Variants in TLL2 observed in about 807,000 individuals in gnomAD.
The protein encoded by TLL2 is tolloid like 2.
TLL2 carries 106 observed loss-of-function variants against 123.0 expected under a neutral mutation model. That is an observed-to-expected ratio of 0.86 (90% CI 0.74 to 1.01). The LOEUF (loss-of-function observed/expected upper bound fraction) is 1.01. Ranked by LOEUF, TLL2 falls within the 50% of genes least tolerant of loss-of-function variation. The pLI is 0.00. For missense variants in TLL2, 1,332 were observed against 1,336.7 expected, an observed-to-expected ratio of 1.00 and a Z score of 0.06; for synonymous variants, 494 against 516.8, an observed-to-expected ratio of 0.96 and a Z score of 0.60.
At chr10:96,506,106 G>T (rs1043179115) in intron 1 of TLL2, among the ~76,000 whole-genome samples, 2 of 151,842 alleles carry the variant, frequency 1.3e-5, no homozygotes, top group African/African-American at 4.8e-5. Context: ...ACAAAAATTA[G>T]CCAGGCATGG....
chr10:96,507,908 C>T (rs1411749006), intron 1 of TLL2, among the ~76,000 whole-genome samples: 3 of 152,300 alleles, frequency 2.0e-5, no homozygotes, highest in Middle Eastern at 3.4e-3. Flanking sequence ...TCCAATATTG[C>T]CCTGAAATAT....
intron 2 of TLL2, among the ~76,000 whole-genome samples, chr10:96,473,057 A>G (rs954316261): frequency 6.7e-5 from 10 of 149,732 alleles, no homozygotes; most frequent in Admixed American, 5.3e-4. Context: ...AGCCCCCCCC[A>G]ATCAGATGGG....
chr10:96,380,606 T>C (rs918657948), intron 16 of TLL2, among the ~76,000 whole-genome samples: 1 of 141,138 alleles, frequency 7.1e-6, no homozygotes, highest in Admixed American at 7.9e-5. Flanking sequence ...GGCAGGAGAA[T>C]GGCATGAACC....
intron 16 of TLL2, 77 bp from the exon 17 acceptor site, chr10:96,379,169 A>T: frequency 6.4e-7 from 1 of 1,555,778 alleles, no homozygotes; most frequent in Non-Finnish European, 8.8e-7. Context: ...TCCCACTTAA[A>T]AGTGGCCTCC....
chr10:96,501,627 T>A lies in TLL2; in HGVS notation c.175+11884A>T, dbSNP rs184774650. 2.2e-4 allele frequency among the ~76,000 whole-genome samples: 34 copies of A among 152,324 alleles called. No homozygotes were observed. In the East Asian group the frequency reaches 5.4e-3, roughly 24 times the overall value. The stretch of plus-strand genomic sequence containing the variant: ...ATTCTGCAAAGTAAACCAGAGTAAA[T>A]CTCCAACTCCAGACACATCACAAAC... On this transcript the variant is annotated intron_variant, in intron 1 of 20. Coordinates refer to ENST00000357947, the MANE Select transcript of TLL2 (RefSeq NM_012465.4).
Position 96,376,674 on chromosome 10 carries a change from A to G in TLL2, c.2448+18T>C, listed in dbSNP as rs1292635009. On this transcript the variant is annotated intron_variant, in intron 18 of 20. Transcript: ENST00000357947. ...ATACTCAAGTCCACATTCTCAATAA[A>G]CTACAAAAATGACTCACGAGTTTCA... 9 of 1,609,248 alleles carry G rather than the reference A, an allele frequency of 5.6e-6. No homozygotes were observed. The highest frequency in any genetic ancestry group is 7.6e-6 in the Non-Finnish European group (9 of 1,177,920).
chr10:96,395,864 G>A lies in TLL2; in HGVS notation c.1530+11C>T. The A allele has an allele frequency of 1.2e-6, 2 of 1,614,114 alleles. No homozygotes were observed. The highest frequency in any genetic ancestry group is 1.7e-6 in the Non-Finnish European group (2 of 1,179,996). ...CCGTTTCCTTGGGAAGCCGGTCTGA[G>A]CAGCACTCACCTCAAAAGCTTGGAA... On this transcript the variant is annotated intron_variant, in intron 12 of 20. Coordinates refer to ENST00000357947, the MANE Select transcript of TLL2 (RefSeq NM_012465.4).
chr10:96,498,784 A>G (rs1424738733), intron 1 of TLL2, among the ~76,000 whole-genome samples: 1 of 152,168 alleles, frequency 6.6e-6, no homozygotes, highest in Non-Finnish European at 1.5e-5. Context: ...TGAGCTCTGC[A>G]TACCGTCTTG....
intron 1 of TLL2, among the ~76,000 whole-genome samples, chr10:96,501,825 T>C (rs530763893): frequency 6.6e-6 from 1 of 152,354 alleles, no homozygotes; most frequent in South Asian, 2.1e-4. Context: ...TGGTATCTCA[T>C]TGACTGAGTT....
chr10:96,414,078 G>C (rs1846532135), intron 7 of TLL2, among the ~76,000 whole-genome samples: 1 of 152,130 alleles, frequency 6.6e-6, no homozygotes, highest in South Asian at 2.1e-4. Flanking sequence ...TTCTAAACTA[G>C]ACAAGTGGAA....
At chr10:96,513,392 G>A in intron 1 of TLL2, 119 bp downstream of exon 1, 7 of 1,262,742 alleles carry the variant, frequency 5.5e-6, no homozygotes, top group Admixed American at 2.1e-5. Context: ...GGGGGAGCCG[G>A]GGATCTCAGG....
At chr10:96,469,378 C>G (rs958388232) in intron 2 of TLL2, among the ~76,000 whole-genome samples, 10 of 152,256 alleles carry the variant, frequency 6.6e-5, no homozygotes, top group Non-Finnish European at 1.3e-4. Flanking sequence ...TCGCTCTTGC[C>G]TTGTTCTTTT....
At chr10:96,418,047 G>C (rs1846581732) in intron 7 of TLL2, among the ~76,000 whole-genome samples, 1 of 152,180 alleles carries the variant, frequency 6.6e-6, no homozygotes, top group African/African-American at 2.4e-5. Flanking sequence ...TGCCCCTGCT[G>C]ATCTCCCTCC....
chr10:96,413,355 G>A (rs1361455628), intron 7 of TLL2, 39 bp from the exon 8 acceptor site: 5 of 1,601,272 alleles, frequency 3.1e-6, no homozygotes, highest in Middle Eastern at 1.7e-4. Flanking sequence ...AAAAGTCAAG[G>A]CCATCAGGCT....
intron 1 of TLL2, among the ~76,000 whole-genome samples, chr10:96,506,883 G>A (rs1847584797): frequency 6.6e-6 from 1 of 152,142 alleles, no homozygotes; most frequent in African/African-American, 2.4e-5. Context: ...ATGTTGTTGT[G>A]GACTTTTCTG....
chr10:96,473,620 T>A (rs1379437803), intron 2 of TLL2, among the ~76,000 whole-genome samples: 1 of 152,158 alleles, frequency 6.6e-6, no homozygotes, highest in African/African-American at 2.4e-5. Context: ...TAGAGCAAGG[T>A]TGATTTCTTA....
At chr10:96,450,204 C>A (rs560508069) in intron 2 of TLL2, among the ~76,000 whole-genome samples, 2 of 147,138 alleles carry the variant, frequency 1.4e-5, no homozygotes, top group Admixed American at 1.4e-4. Flanking sequence ...GATGGATGGA[C>A]ATACGAGTCA....
intron 15 of TLL2, among the ~76,000 whole-genome samples, chr10:96,385,321 T>C (rs1846223615): frequency 6.6e-6 from 1 of 152,214 alleles, no homozygotes; most frequent in Non-Finnish European, 1.5e-5. Flanking sequence ...CAAAAAGAAC[T>C]TCACTGCTAA....
Position 96,410,425 on chromosome 10 carries a change from A to T in TLL2, c.1098T>A (p.Gly366=). 6.2e-7 allele frequency: 1 copy of T among 1,614,008 alleles called. No homozygotes were observed. The highest frequency in any genetic ancestry group is 8.5e-7 in the Non-Finnish European group (1 of 1,180,010). ...QDTTGNFSAP[G]FPNGYPSYSH... ...AGTAAGATGGGTACCCATTTGGGAA[A>T]CCAGGTGCAGAAAAGTTTCCCGTTG... Residue 366 remains glycine (G), a synonymous_variant, in exon 9 of 21, where the codon GGT becomes GGA. Coordinates refer to ENST00000357947, the MANE Select transcript of TLL2 (RefSeq NM_012465.4).
Sources: allele counts gnomAD v4.1 joint callset (sites outside exome capture counted in the v4.1 genomes callset), GRCh38; gene constraint gnomAD v4.1.1; transcripts MANE v1.5; gene names NCBI Gene and HGNC (gene_info 2026-07-23, HGNC 2026-07-21).